CAMK1D: variants seen among roughly 807,000 people sequenced by gnomAD.
CAMK1D encodes the protein calcium/calmodulin dependent protein kinase ID.
Under a neutral mutation model 47.7 loss-of-function variants are expected in CAMK1D, and 9 were observed. The observed-to-expected ratio is 0.19, with a 90% CI of 0.11 to 0.33. The LOEUF is 0.33. Ranked by LOEUF, CAMK1D falls within the 10% of genes least tolerant of loss-of-function variation. The pLI, the probability that CAMK1D is intolerant of heterozygous loss-of-function variation, is 1.00. For missense variants in CAMK1D, 291 were observed against 488.7 expected (o/e 0.60, Z 3.81); for synonymous variants, 184 against 184.9 (o/e 0.99, Z 0.04).
At chr10:12,822,866 G>A (rs1293410088) in intron 8 of CAMK1D, among the ~76,000 whole-genome samples, 3 of 152,144 alleles carry the variant, frequency 2.0e-5, no homozygotes, top group African/African-American at 4.8e-5. Context: ...TTCTGTTTCA[G>A]GAATATGTGT....
chr10:12,511,697 A>G (rs1042985147), intron 1 of CAMK1D, among the ~76,000 whole-genome samples: 4 of 152,194 alleles, frequency 2.6e-5, no homozygotes, highest in African/African-American at 9.6e-5. Context: ...ATGCCCAGAC[A>G]TTGTTTATTT....
At chr10:12,455,442 G>A (rs1833213958) in intron 1 of CAMK1D, among the ~76,000 whole-genome samples, 1 of 152,172 alleles carries the variant, frequency 6.6e-6, no homozygotes, top group Admixed American at 6.6e-5. Context: ...CCAAAGTGTT[G>A]GGATTACAGG....
rs545710509 is a variant in CAMK1D at position 12,533,372 on chromosome 10, C to T, written c.93-19853C>T. Among the ~76,000 whole-genome samples, 112 of 152,298 alleles carry T rather than the reference C, an allele frequency of 7.4e-4. 1 individual carries two copies. The highest frequency in any genetic ancestry group is 2.1e-3 in the South Asian group (10 of 4,826). On this transcript the variant is annotated intron_variant, in intron 1 of 10. Coordinates refer to ENST00000619168, the MANE Select transcript of CAMK1D (RefSeq NM_153498.4). ...ATGGAAGGAAGTGGCTCATAAGTCA[C>T]TCCAAGTACCATCTCCTGGTTATCA...
chr10:12,607,818 A>G (rs998601433), intron 2 of CAMK1D, among the ~76,000 whole-genome samples: 1 of 152,050 alleles, frequency 6.6e-6, no homozygotes, highest in Admixed American at 6.5e-5. Flanking sequence ...AAATTTAGCC[A>G]AGTGTGGTGG....
chr10:12,618,031 G>A (rs1379938364), intron 2 of CAMK1D, among the ~76,000 whole-genome samples: 16 of 151,324 alleles, frequency 1.1e-4, no homozygotes, highest in African/African-American at 2.7e-4. Flanking sequence ...CACTATTTAC[G>A]TAATCATTTA....
At chr10:12,446,101 A>G (rs990533484) in intron 1 of CAMK1D, among the ~76,000 whole-genome samples, 2 of 152,136 alleles carry the variant, frequency 1.3e-5, no homozygotes, top group East Asian at 3.8e-4. Context: ...TGCTAGTGTT[A>G]CAGAAAAGGG....
chr10:12,362,789 C>T (rs536683478), intron 1 of CAMK1D, among the ~76,000 whole-genome samples: 3 of 152,052 alleles, frequency 2.0e-5, no homozygotes, highest in Non-Finnish European at 4.4e-5. Flanking sequence ...GGATTACAGG[C>T]GCCTGCCACC....
chr10:12,672,433 A>T (rs368625775), intron 3 of CAMK1D, among the ~76,000 whole-genome samples: 7 of 151,990 alleles, frequency 4.6e-5, no homozygotes, highest in East Asian at 3.9e-4. Context: ...CAGTGGTGCA[A>T]TCTCGGCTCA....
rs1329859168 is a variant in CAMK1D, at chr10:12,520,309, G to A, written c.93-32916G>A. On this transcript the variant is annotated intron_variant, in intron 1 of 10. Coordinates refer to ENST00000619168, the MANE Select transcript of CAMK1D (RefSeq NM_153498.4). ...TCCTAGACAGGGCGGCGGGGCAGAGGCGCTCCCCACTCAGACGATGGGCGG... is the reference window on the plus strand; with the variant it reads ...TCCTAGACAGGGCGGCGGGGCAGAGACGCTCCCCACTCAGACGATGGGCGG... 2.2e-5 allele frequency among the ~76,000 whole-genome samples: 2 copies of A among 90,052 alleles called. 1 individual carries two copies. The highest frequency in any genetic ancestry group is 8.5e-5 in the African/African-American group (2 of 23,664). 59.1% of individuals were successfully genotyped at this position (90,052 alleles called of 152,430 possible). A position where few individuals can be genotyped will look rare whatever the true frequency, so the allele number is the denominator to read the frequency against.
chr10:12,441,668 G>T (rs1260017276), intron 1 of CAMK1D, among the ~76,000 whole-genome samples: 1 of 151,928 alleles, frequency 6.6e-6, no homozygotes, highest in East Asian at 1.9e-4. Flanking sequence ...AAAATTTTCT[G>T]GGTGTGGTGA....
chr10:12,789,721 A>G (rs985329064), intron 5 of CAMK1D, among the ~76,000 whole-genome samples: 5 of 152,232 alleles, frequency 3.3e-5, no homozygotes, highest in African/African-American at 1.2e-4. Context: ...AATAGTGACC[A>G]TGCTACCAGC....
At chr10:12,750,446 A>C (rs956143726) in intron 3 of CAMK1D, among the ~76,000 whole-genome samples, 1 of 152,214 alleles carries the variant, frequency 6.6e-6, no homozygotes, top group Non-Finnish European at 1.5e-5. Context: ...GAAGTCACCA[A>C]GTCTTGTCTG....
chr10:12,759,339 A>G lies in CAMK1D; in HGVS notation c.300-1609A>G, dbSNP rs983764167. On this transcript the variant is annotated intron_variant, in intron 3 of 10. Transcript: ENST00000619168. ...ACTGCATTCCAGCTTGGGCTGCAGA[A>G]TGAGACCCTGTCTCAGAAAAAATAA... 4.6e-5 allele frequency among the ~76,000 whole-genome samples: 7 copies of G among 152,200 alleles called. No homozygotes were observed. The East Asian group carries it at 1.3e-3, about 29-fold the overall frequency.
At chr10:12,820,139 A>G (rs1015310711) in intron 8 of CAMK1D, among the ~76,000 whole-genome samples, 1 of 152,198 alleles carries the variant, frequency 6.6e-6, no homozygotes, top group Non-Finnish European at 1.5e-5. Context: ...TCCCGGGTTC[A>G]AACGATTCTC....
At chr10:12,567,546 A>C (rs1837163487) in intron 2 of CAMK1D, among the ~76,000 whole-genome samples, 1 of 152,192 alleles carries the variant, frequency 6.6e-6, no homozygotes, top group Admixed American at 6.5e-5. Context: ...GTGTACGCAC[A>C]TTTTTCTAGG....
At chr10:12,445,774 A>G (rs1002329593) in intron 1 of CAMK1D, among the ~76,000 whole-genome samples, 1 of 152,178 alleles carries the variant, frequency 6.6e-6, no homozygotes, top group African/African-American at 2.4e-5. Flanking sequence ...TGTTAGTATA[A>G]CTTTTAATTG....
chr10:12,635,566 C>T (rs1467540185), intron 2 of CAMK1D, among the ~76,000 whole-genome samples: 6 of 152,082 alleles, frequency 3.9e-5, no homozygotes, highest in African/African-American at 9.7e-5. Flanking sequence ...AAGGGACCCA[C>T]GCCATCTTGC....
intron 2 of CAMK1D, among the ~76,000 whole-genome samples, chr10:12,658,172 C>T (rs1840171128): frequency 6.6e-6 from 1 of 151,984 alleles, no homozygotes; most frequent in African/African-American, 2.4e-5. Flanking sequence ...ACTGGGGTGA[C>T]CCAGAGGAAA....
At chr10:12,482,619 G>T (rs1834097341) in intron 1 of CAMK1D, among the ~76,000 whole-genome samples, 1 of 152,154 alleles carries the variant, frequency 6.6e-6, no homozygotes, top group South Asian at 2.1e-4. Flanking sequence ...AGTGCTAATG[G>T]GTTTTTTCCC....
Sources: gnomAD v4.1 joint callset for allele counts (sites outside exome capture counted in the v4.1 genomes callset) on GRCh38, gnomAD v4.1.1 for gene constraint, MANE v1.5 for transcripts, NCBI Gene and HGNC (gene_info 2026-07-23, HGNC 2026-07-21) for gene names.